JAKMIP2: variants seen among roughly 807,000 people sequenced by gnomAD.
JAKMIP2 encodes the protein janus kinase and microtubule interacting protein 2, also known as janus kinase and microtubule-interacting protein 2.
Under a neutral mutation model 115.0 loss-of-function variants are expected in JAKMIP2, and 25 were observed. The ratio of observed to expected loss-of-function variants is 0.22; its 90% confidence interval spans 0.16 to 0.30. The LOEUF (loss-of-function observed/expected upper bound fraction) is 0.30. Among genes scored for constraint, JAKMIP2 ranks in the 10% least tolerant of loss-of-function variants. JAKMIP2 has a pLI of 1.00. For missense variants in JAKMIP2, 642 were observed against 957.6 expected (o/e 0.67, Z 4.35); for synonymous variants, 334 against 343.6 (o/e 0.97, Z 0.31).
At position 147,644,213 on chromosome 5, in the gene JAKMIP2, A is replaced by G. The variant is rs377655545; in HGVS notation, c.1084-15T>C. On this transcript the variant is annotated splice_polypyrimidine_tract_variant and intron_variant, in intron 6 of 21. Coordinates refer to ENST00000616793, the MANE Select transcript of JAKMIP2 (RefSeq NM_001270941.2). ...ATTTTTTCTCTCTGGATTGGAAAAG[A>G]AGAAAGTACAGGTGGAGACTTTAAA... 1.4e-5 allele frequency: 22 copies of G among 1,556,030 alleles called. No individual in the cohort carries two copies. The highest frequency in any genetic ancestry group is 1.8e-5 in the Non-Finnish European group (20 of 1,142,244).
chr5:147,692,581 C>A (rs2126863861), intron 1 of JAKMIP2, among the ~76,000 whole-genome samples: 1 of 152,106 alleles, frequency 6.6e-6, no homozygotes, highest in East Asian at 1.9e-4. Flanking sequence ...ATCTCTCCCA[C>A]TAAAATGAAA....
At chr5:147,661,530 C>A in intron 2 of JAKMIP2, 85 bp from the exon 3 acceptor site, 1 of 1,358,078 alleles carries the variant, frequency 7.4e-7, no homozygotes, top group African/African-American at 1.5e-5. Flanking sequence ...GCTCAGGCCG[C>A]TGTGATCTCT....
chr5:147,742,155 A>ATATATATATATATATATATATATTTTTTT lies in JAKMIP2; in HGVS notation c.-149+40300_-149+40301insAAAAAAATATATATATATATATATATATA. Among the ~76,000 whole-genome samples the ATATATATATATATATATATATATTTTTTT allele has an allele frequency of 2.6e-3, 283 of 108,704 alleles. 9 individuals are homozygous for ATATATATATATATATATATATATTTTTTT. Among genetic ancestry groups the ATATATATATATATATATATATATTTTTTT allele is most frequent in the East Asian group, 8.6e-3 (26 of 3,040 alleles). The allele number at this position is 108,704 out of a possible 152,430, so 71.3% of individuals were successfully genotyped here. A position where few individuals can be genotyped will look rare whatever the true frequency, so the allele number is the denominator to read the frequency against. On this transcript the variant is annotated intron_variant, in intron 1 of 21. Transcript: ENST00000616793. The stretch of plus-strand genomic sequence containing the variant: ...TGTGGATCATTATATATATATATAT[A>ATATATATATATATATATATATATTTTTTT]TTTTTTTTACTATTGTATTGTATCT...
In JAKMIP2 at chr5:147,586,302, A is replaced by G. The variant is rs1017039113; in HGVS notation, c.*5405T>C. ...ACAGAATATATCTGTGCATATATTT[A>G]CATCACATATTTATAAAAATGTTTG... is the stretch of plus-strand genomic sequence containing the variant. On this transcript the variant is annotated 3_prime_UTR_variant, in exon 22 of 22. Coordinates refer to ENST00000616793, the MANE Select transcript of JAKMIP2 (RefSeq NM_001270941.2). 3 of 152,198 alleles carry G rather than the reference A, an allele frequency of 2.0e-5. No individual in the cohort carries two copies. Among genetic ancestry groups the G allele is most frequent in the African/African-American group, 7.2e-5 (3 of 41,450 alleles). 9.4% of individuals were successfully genotyped at this position (152,198 alleles called of 1,614,324 possible). A position where few individuals can be genotyped will look rare whatever the true frequency, so the allele number is the denominator to read the frequency against.
chr5:147,679,797 G>A lies in JAKMIP2; in HGVS notation c.-148-7843C>T, dbSNP rs143769772. Among the ~76,000 whole-genome samples the A allele has an allele frequency of 3.5e-3, 538 of 152,246 alleles. 3 individuals carry two copies. The highest frequency in any genetic ancestry group is 0.012 in the African/African-American group (494 of 41,526). ...AAATACACATGTCAGTCTCCAAAGCGGCTTAGCTATAATAACACTTTCCTA... is the reference window on the plus strand; with the variant it reads ...AAATACACATGTCAGTCTCCAAAGCAGCTTAGCTATAATAACACTTTCCTA... On this transcript the variant is annotated intron_variant, in intron 1 of 21. Coordinates refer to ENST00000616793, the MANE Select transcript of JAKMIP2 (RefSeq NM_001270941.2).
At chr5:147,650,050 T>C (rs1275898877) in intron 4 of JAKMIP2, among the ~76,000 whole-genome samples, 1 of 152,170 alleles carries the variant, frequency 6.6e-6, no homozygotes, top group East Asian at 1.9e-4. Flanking sequence ...TTTCATCTAA[T>C]TTATGTTTCT....
intron 1 of JAKMIP2, among the ~76,000 whole-genome samples, chr5:147,778,205 A>C (rs987213043): frequency 3.5e-4 from 53 of 152,272 alleles, no homozygotes; most frequent in African/African-American, 1.3e-3. Flanking sequence ...ATTTTCACCC[A>C]AACAAATGCT....
chr5:147,635,527 TAAC>T (rs1453749374), intron 12 of JAKMIP2, among the ~76,000 whole-genome samples: 2 of 152,288 alleles, frequency 1.3e-5, no homozygotes, highest in East Asian at 1.9e-4. Flanking sequence ...TCTCACAAAA[TAAC>T]AAGTTCTATT....
At chr5:147,748,920 G>T (rs1358422441) in intron 1 of JAKMIP2, among the ~76,000 whole-genome samples, 2 of 152,120 alleles carry the variant, frequency 1.3e-5, no homozygotes, top group African/African-American at 4.8e-5. Context: ...GAAGACAGAG[G>T]TTTTCTCTTT....
rs1757844746 is a variant in JAKMIP2 at position 147,640,783 on chromosome 5, G to C, written c.1322C>G (p.Ser441Cys). 1.9e-6 allele frequency: 3 copies of C among 1,613,486 alleles called. No individual in the cohort carries two copies. The highest frequency in any genetic ancestry group is 2.5e-6 in the Non-Finnish European group (3 of 1,179,624). The change falls in exon 9 of 22, where the codon TCT becomes TGT. Residue 441 changes from serine (S) to cysteine (C), a missense_variant. By Grantham distance (112) the Ser-to-Cys change is moderately radical. Around this residue, in one of 6 missense-constraint regions of JAKMIP2, gnomAD observed 439 missense variants for 570.9 expected, o/e 0.77. Coordinates refer to ENST00000616793, the MANE Select transcript of JAKMIP2 (RefSeq NM_001270941.2). The stretch of plus-strand genomic sequence containing the variant: ...CATGGATGATGTCTCTGAATCCATA[G>C]AGTCCTCATCATAGCCAATAAACGG... ...LDPFIGYDED[S>C]MDSETSSMAS...
chr5:147,782,425 CAAG>C, intron 1 of JAKMIP2, 28 bp downstream of exon 1: 1 of 1,535,280 alleles, frequency 6.5e-7, no homozygotes, highest in South Asian at 1.2e-5. Context: ...CACTCTAAAC[CAAG>C]AAGGGAGCCC....
At chr5:147,660,421 T>G (rs745500581) in intron 3 of JAKMIP2, 1 of 448,920 alleles carries the variant, frequency 2.2e-6, no homozygotes, top group South Asian at 1.6e-5. Flanking sequence ...TTAAAATGAC[T>G]AGGGATTTTA....
chr5:147,604,972 C>T (rs1488506443), intron 20 of JAKMIP2, among the ~76,000 whole-genome samples: 1 of 151,808 alleles, frequency 6.6e-6, no homozygotes, highest in African/African-American at 2.4e-5. Context: ...CTATCCCTCC[C>T]CTTGCTCCCC....
At chr5:147,751,932 G>A (rs762049186) in intron 1 of JAKMIP2, among the ~76,000 whole-genome samples, 30 of 152,148 alleles carry the variant, frequency 2.0e-4, no homozygotes, top group Non-Finnish European at 3.8e-4. Context: ...GGTTAGAGCA[G>A]TCAAGCAATA....
intron 1 of JAKMIP2, among the ~76,000 whole-genome samples, chr5:147,715,448 T>A (rs1204871920): frequency 6.6e-6 from 1 of 151,030 alleles, no homozygotes; most frequent in Non-Finnish European, 1.5e-5. Flanking sequence ...TATAAAATAA[T>A]TAAATATATA....
chr5:147,742,998 G>T lies in JAKMIP2; in HGVS notation c.-149+39458C>A, dbSNP rs566088907. 1.9e-4 allele frequency among the ~76,000 whole-genome samples: 29 copies of T among 152,244 alleles called. No homozygotes were observed. In the South Asian group the frequency reaches 6.0e-3, roughly 32 times the overall value. On this transcript the variant is annotated intron_variant, in intron 1 of 21. Coordinates refer to ENST00000616793, the MANE Select transcript of JAKMIP2 (RefSeq NM_001270941.2). ...AGAATTCCATACATTTTCCTAATCTGCAATGTTAGGCTTTTTCCCTGTGAG... is the reference window on the plus strand; with the variant it reads ...AGAATTCCATACATTTTCCTAATCTTCAATGTTAGGCTTTTTCCCTGTGAG...
chr5:147,673,577 A>C (rs960774147), intron 1 of JAKMIP2, among the ~76,000 whole-genome samples: 1 of 152,118 alleles, frequency 6.6e-6, no homozygotes, highest in African/African-American at 2.4e-5. Context: ...GCAGTCATAG[A>C]ACTGTCCACC....
intron 3 of JAKMIP2, chr5:147,660,481 A>T: frequency 2.2e-6 from 1 of 455,164 alleles, no homozygotes; most frequent in Non-Finnish European, 4.4e-6. Flanking sequence ...AAGACTCAAG[A>T]TGTTCTCAGT....
At chr5:147,702,372 C>A (rs182288742) in intron 1 of JAKMIP2, among the ~76,000 whole-genome samples, 29 of 143,370 alleles carry the variant, frequency 2.0e-4, no homozygotes, top group Non-Finnish European at 2.8e-4. Flanking sequence ...GTGATGGGTG[C>A]ACCAACATCT....
Sources: allele counts gnomAD v4.1 joint callset (sites outside exome capture counted in the v4.1 genomes callset), GRCh38; gene constraint gnomAD v4.1.1; regional missense constraint gnomAD v4.1.1; transcripts MANE v1.5; gene names NCBI Gene and HGNC (gene_info 2026-07-23, HGNC 2026-07-21).